Variants in JAZF1 observed in about 807,000 individuals in gnomAD.
JAZF1 encodes JAZF zinc finger 1.
In JAZF1, 8 loss-of-function variants were observed where a neutral mutation model predicts 26.4. The observed-to-expected ratio is 0.30, with a 90% CI of 0.18 to 0.55. The LOEUF (loss-of-function observed/expected upper bound fraction) is 0.55. Ranked by LOEUF, JAZF1 falls within the 20% of genes least tolerant of loss-of-function variation. The probability of loss-of-function intolerance (pLI) is 0.94; values close to 1 mark genes in which losing one functional copy is unlikely to be tolerated. For missense variants in JAZF1, 199 were observed against 322.0 expected, an observed-to-expected ratio of 0.62 and a Z score of 2.92; for synonymous variants, 126 against 122.3, an observed-to-expected ratio of 1.03 and a Z score of -0.20.
chr7:28,093,790 T>G (rs1784339424), intron 1 of JAZF1, among the ~76,000 whole-genome samples: 1 of 152,232 alleles, frequency 6.6e-6, no homozygotes, highest in South Asian at 2.1e-4. Flanking sequence ...CAGATGCTTG[T>G]CCACTGTCTC....
chr7:27,916,162 A>C (rs191174386), intron 2 of JAZF1, among the ~76,000 whole-genome samples: 5 of 152,196 alleles, frequency 3.3e-5, no homozygotes, highest in African/African-American at 1.2e-4. Flanking sequence ...CTCCAAAAGG[A>C]GTTCATAATA....
chr7:28,144,055 A>C lies in JAZF1; in HGVS notation c.115+36408T>G, dbSNP rs145605953. ...CTGGGTGGGTGTGTTAAGAGGAGGG[A>C]AAGAACTAGGAACAGGTTCTGCATT... On this transcript the variant is annotated intron_variant, in intron 1 of 4. Coordinates refer to ENST00000283928, the MANE Select transcript of JAZF1 (RefSeq NM_175061.4). 1.4e-3 allele frequency among the ~76,000 whole-genome samples: 218 copies of C among 152,332 alleles called. 1 individual carries two copies. The highest frequency in any genetic ancestry group is 5.2e-3 in the African/African-American group (215 of 41,570).
chr7:27,895,287 T>C lies in JAZF1; in HGVS notation c.318A>G (p.Gly106=). ...NVSTPPRHSS[G]SLTPPVTPPI... ...GTGGGGTCACGGGGGGAGTAAGGCT[T>C]CCACTGCTGTGGCGTGGGGGAGTGG... Residue 106 remains glycine (G), a synonymous_variant, in exon 3 of 5, where the codon GGA becomes GGG. Coordinates refer to ENST00000283928, the MANE Select transcript of JAZF1 (RefSeq NM_175061.4). 1 of 1,608,396 alleles carries C rather than the reference T, an allele frequency of 6.2e-7. No homozygotes were observed. The highest frequency in any genetic ancestry group is 8.5e-7 in the Non-Finnish European group (1 of 1,176,786).
At chr7:27,833,798 G>A (rs754517509) in intron 4 of JAZF1, among the ~76,000 whole-genome samples, 21 of 152,128 alleles carry the variant, frequency 1.4e-4, no homozygotes, top group African/African-American at 4.6e-4. Context: ...GTAAGATTCC[G>A]TATTCTATGT....
intron 1 of JAZF1, among the ~76,000 whole-genome samples, chr7:28,131,401 T>G (rs1562597789): frequency 6.6e-6 from 1 of 152,140 alleles, no homozygotes; most frequent in Non-Finnish European, 1.5e-5. Flanking sequence ...TAACAGAAGA[T>G]TCTCAATCCC....
chr7:27,975,732 A>G (rs1785457469), intron 2 of JAZF1, among the ~76,000 whole-genome samples: 1 of 152,238 alleles, frequency 6.6e-6, no homozygotes, highest in African/African-American at 2.4e-5. Context: ...AAAATTATAA[A>G]GCAGCTTTGA....
At position 27,840,042 on chromosome 7, in the gene JAZF1, CCT is replaced by C. The variant is rs1215415902; in HGVS notation, c.555+654_555+655del. On this transcript the variant is annotated intron_variant, in intron 4 of 4. Transcript: ENST00000283928. The surrounding 1 kb of genome is among the most constrained non-coding windows in gnomAD (Gnocchi z 5.1). ...TTGTGCTGTTTCTCGTTGTTTTGTC[CCT>C]GTTCCTTATTAGAAAAGTTAGCACC... Among the ~76,000 whole-genome samples, 1 of 152,068 alleles carries C rather than the reference CCT, an allele frequency of 6.6e-6. No homozygotes were observed. The highest frequency in any genetic ancestry group is 1.5e-5 in the Non-Finnish European group (1 of 68,022).
intron 1 of JAZF1, among the ~76,000 whole-genome samples, chr7:28,123,285 ATCT>A (rs61590441): frequency 0.014 from 2,151 of 152,224 alleles, 44 homozygotes; most frequent in African/African-American, 0.049. Context: ...AGTAAGTCTC[ATCT>A]TCTTCAGATC....
chr7:27,983,732 T>A (rs1192021185), intron 2 of JAZF1, among the ~76,000 whole-genome samples: 1 of 152,204 alleles, frequency 6.6e-6, no homozygotes, highest in Non-Finnish European at 1.5e-5. Flanking sequence ...GGGAAGCCCA[T>A]CAGACTAACA....
chr7:27,875,333 T>A (rs1203612950), intron 3 of JAZF1, among the ~76,000 whole-genome samples: 1 of 152,310 alleles, frequency 6.6e-6, no homozygotes, highest in East Asian at 1.9e-4. Flanking sequence ...TCGGCACAGC[T>A]GGAATAGAGT....
intron 2 of JAZF1, among the ~76,000 whole-genome samples, chr7:27,918,913 G>A (rs1440796113): frequency 6.6e-6 from 1 of 152,170 alleles, no homozygotes; most frequent in Admixed American, 6.5e-5. Context: ...GACATTGATT[G>A]TTGAAAAGAA....
At chr7:27,929,557 A>G (rs1784652759) in intron 2 of JAZF1, among the ~76,000 whole-genome samples, 1 of 152,252 alleles carries the variant, frequency 6.6e-6, no homozygotes, top group Non-Finnish European at 1.5e-5. Flanking sequence ...GACTGTAAGC[A>G]GAAGTTTGTA....
intron 2 of JAZF1, among the ~76,000 whole-genome samples, chr7:27,950,308 T>C (rs543026832): frequency 4.6e-4 from 70 of 152,330 alleles, no homozygotes; most frequent in South Asian, 1.4e-3. Context: ...CCCTGAGCAG[T>C]TGACAGCGAA....
intron 4 of JAZF1, 187 bp from the exon 5 acceptor site, chr7:27,833,163 T>TCA: frequency 2.6e-6 from 1 of 383,124 alleles, no homozygotes; most frequent in South Asian, 1.1e-4. Context: ...GTACGGATGG[T>TCA]CACACACACA....
At chr7:27,909,775 G>A (rs2128344938) in intron 2 of JAZF1, among the ~76,000 whole-genome samples, 1 of 152,190 alleles carries the variant, frequency 6.6e-6, no homozygotes, top group Non-Finnish European at 1.5e-5. Context: ...TCAATATTTT[G>A]CTATCTTATT....
At chr7:27,969,185 G>A (rs752488916) in intron 2 of JAZF1, among the ~76,000 whole-genome samples, 4 of 152,172 alleles carry the variant, frequency 2.6e-5, no homozygotes, top group Non-Finnish European at 5.9e-5. Context: ...TGAAATGAAA[G>A]AGTGAGTCAG....
chr7:27,973,525 C>A (rs1200957252), intron 2 of JAZF1, among the ~76,000 whole-genome samples: 1 of 152,138 alleles, frequency 6.6e-6, no homozygotes, highest in Non-Finnish European at 1.5e-5. Flanking sequence ...CCTCAAACTC[C>A]CGCGCTCAAG....
intron 1 of JAZF1, among the ~76,000 whole-genome samples, chr7:28,068,031 G>T (rs1583541844): frequency 6.6e-6 from 1 of 151,900 alleles, no homozygotes; most frequent in East Asian, 1.9e-4. Flanking sequence ...TTCCTGCCTC[G>T]GCCTCCGGAG....
chr7:28,118,126 G>C (rs978173807), intron 1 of JAZF1: 2 of 152,168 alleles, frequency 1.3e-5, no homozygotes, highest in Non-Finnish European at 2.9e-5. Context: ...AATATAAAAT[G>C]CTTCATAAAT....
Sources: gnomAD v4.1 joint callset for allele counts (sites outside exome capture counted in the v4.1 genomes callset) on GRCh38, gnomAD v4.1.1 for gene constraint, Gnocchi (gnomAD v3.1) non-coding constraint, MANE v1.5 for transcripts, NCBI Gene and HGNC (gene_info 2026-07-23, HGNC 2026-07-21) for gene names.